Variants in ZNF814 observed in about 807,000 individuals in gnomAD.
ZNF814 encodes the protein zinc finger protein 814.
ZNF814 carries 5 observed loss-of-function variants against 7.5 expected under a neutral mutation model. The ratio of observed to expected loss-of-function variants is 0.67; its 90% CI spans 0.35 to 1.40. The LOEUF (loss-of-function observed/expected upper bound fraction) is 1.40, where lower values mean the gene tolerates loss of function less well. ZNF814 is among the 40% of genes most tolerant of loss of function. The probability of loss-of-function intolerance (pLI) is 0.04; values close to 1 mark genes in which losing one functional copy is unlikely to be tolerated. For missense variants in ZNF814, 962 were observed against 1,018.0 expected, an observed-to-expected ratio of 0.94 and a Z score of 0.75; for synonymous variants, 315 against 340.7, an observed-to-expected ratio of 0.92 and a Z score of 0.83.
At chr19:57,878,754 T>C (rs939900396) in intron 1 of ZNF814, among the ~76,000 whole-genome samples, 16 of 152,164 alleles carry the variant, frequency 1.1e-4, no homozygotes, top group African/African-American at 3.9e-4. Flanking sequence ...CCGCTGCACC[T>C]GTTCAGATAT....
upstream of ZNF814, among the ~76,000 whole-genome samples, chr19:57,890,809 G>A (rs576351910): frequency 6.6e-6 from 1 of 152,218 alleles, no homozygotes. Context: ...TAAGTTAACA[G>A]GAATTGGGAA....
At chr19:57,891,360 C>A (rs981899295), upstream of ZNF814, among the ~76,000 whole-genome samples, 3 of 151,366 alleles carry the variant, frequency 2.0e-5, no homozygotes, top group Non-Finnish European at 2.9e-5. Flanking sequence ...CCTGTCTCTA[C>A]TAAAAATACA....
intron 1 of ZNF814, among the ~76,000 whole-genome samples, chr19:57,886,120 G>A (rs1362995378): frequency 1.3e-5 from 2 of 151,984 alleles, no homozygotes; most frequent in Admixed American, 6.6e-5. Context: ...ACAAGCTAGA[G>A]AACATATAGG....
At chr19:57,880,608 T>A (rs1387523128) in intron 1 of ZNF814, among the ~76,000 whole-genome samples, 1 of 116,664 alleles carries the variant, frequency 8.6e-6, no homozygotes, top group Non-Finnish European at 1.6e-5. Context: ...ACACCTTTTT[T>A]TTTTCTTTTT....
chr19:57,888,744 G>A, intron 1 of ZNF814, 23 bp downstream of exon 1: 10 of 1,553,816 alleles, frequency 6.4e-6, no homozygotes, highest in Non-Finnish European at 8.7e-6. Context: ...GTGACCTGAG[G>A]ACACAGAAGG....
chr19:57,895,681 G>A, the ZNF814 span, among the ~76,000 whole-genome samples: 1 of 152,030 alleles, frequency 6.6e-6, no homozygotes, highest in Admixed American at 6.6e-5. Flanking sequence ...TTACCCAGGT[G>A]CCCCACCACT....
upstream of ZNF814, among the ~76,000 whole-genome samples, chr19:57,889,389 A>G (rs1422692801): frequency 6.6e-6 from 1 of 152,090 alleles, no homozygotes; most frequent in Non-Finnish European, 1.5e-5. Flanking sequence ...ACAAAAAATA[A>G]AAAATATTAG....
rs2071558002 is a variant in ZNF814 at position 57,871,671 on chromosome 19, C to A, written c.*1151G>T. 1 of 151,936 alleles carries A rather than the reference C, an allele frequency of 6.6e-6. No homozygotes were observed. Among genetic ancestry groups the A allele is most frequent in the Non-Finnish European group, 1.5e-5 (1 of 67,990 alleles). The allele number at this position is 151,936 out of a possible 1,614,324, so 9.4% of individuals were successfully genotyped here. ...CTCTGAAAGACATAGTCCGTCTTTT[C>A]AAGTCAACGTAAGAGGCCTCTGGGA... On this transcript the variant is annotated 3_prime_UTR_variant, in exon 3 of 3. Transcript: ENST00000435989.
upstream of ZNF814, among the ~76,000 whole-genome samples, chr19:57,890,338 T>TTTG (rs201670274): frequency 6.5e-3 from 995 of 152,180 alleles, 13 homozygotes; most frequent in African/African-American, 0.022. Flanking sequence ...ACTGGGGTTT[T>TTTG]TTGTTGTTGT....
chr19:57,876,907 G>A lies in ZNF814; in HGVS notation c.163+9C>T, dbSNP rs752361917. On this transcript the variant is annotated intron_variant, in intron 2 of 2. Coordinates refer to ENST00000435989, the MANE Select transcript of ZNF814 (RefSeq NM_001144989.2). ...AGCTCAGGTCACAGGGTGAGTGTGA[G>A]CAACTTACCCAGGGAGGATATAAGT... The A allele has an allele frequency of 1.2e-6, 2 of 1,613,904 alleles. No individual in the cohort carries two copies. The highest frequency in any genetic ancestry group is 2.7e-5 in the African/African-American group (2 of 74,918).
chr19:57,898,531 G>A, the ZNF814 span, among the ~76,000 whole-genome samples: 2 of 152,156 alleles, frequency 1.3e-5, no homozygotes, highest in African/African-American at 4.8e-5. Flanking sequence ...AGTTTGGGTG[G>A]AGCAATGGCC....
At chr19:57,890,988 G>A (rs1036053598), upstream of ZNF814, among the ~76,000 whole-genome samples, 1 of 151,276 alleles carries the variant, frequency 6.6e-6, no homozygotes, top group Non-Finnish European at 1.5e-5. Context: ...GTCACAGGAT[G>A]AGATAGGAGG....
intron 1 of ZNF814, among the ~76,000 whole-genome samples, chr19:57,884,299 T>A (rs2071671728): frequency 6.6e-6 from 1 of 152,084 alleles, no homozygotes; most frequent in Non-Finnish European, 1.5e-5. Flanking sequence ...CATTTAAAAA[T>A]CTCAATAGAC....
rs2071557544 is a variant in ZNF814, at chr19:57,871,612, A to C, written c.*1210T>G. On this transcript the variant is annotated 3_prime_UTR_variant, in exon 3 of 3. Coordinates refer to ENST00000435989, the MANE Select transcript of ZNF814 (RefSeq NM_001144989.2). ...TTAGGATCATGACTTGGAGGGTAGA[A>C]AATTTGTCAAGATTGATGTGATACC... 1 of 152,056 alleles carries C rather than the reference A, an allele frequency of 6.6e-6. No individual in the cohort carries two copies. The highest frequency in any genetic ancestry group is 6.6e-5 in the Admixed American group (1 of 15,250). 9.4% of individuals were successfully genotyped at this position (152,056 alleles called of 1,614,324 possible). A position where few individuals can be genotyped will look rare whatever the true frequency, so the allele number is the denominator to read the frequency against.
chr19:57,884,206 T>C (rs745964466), intron 1 of ZNF814, among the ~76,000 whole-genome samples: 1 of 152,222 alleles, frequency 6.6e-6, no homozygotes, highest in Non-Finnish European at 1.5e-5. Context: ...AGAAAATATC[T>C]GCAAACTACC....
the ZNF814 span, among the ~76,000 whole-genome samples, chr19:57,898,260 A>G: frequency 1.3e-5 from 2 of 152,320 alleles, no homozygotes; most frequent in African/African-American, 4.8e-5. Flanking sequence ...ATTCCTGTCA[A>G]TTTATGGGGA....
At chr19:57,878,001 C>T (rs2071619860) in intron 1 of ZNF814, among the ~76,000 whole-genome samples, 1 of 151,626 alleles carries the variant, frequency 6.6e-6, no homozygotes, top group African/African-American at 2.4e-5. Context: ...TTCGGCTCTA[C>T]TAAAAATACA....
chr19:57,874,457 G>A lies in ZNF814; in HGVS notation c.933C>T (p.Phe311=). 1 of 1,223,298 alleles carries A rather than the reference G, an allele frequency of 8.2e-7. No homozygotes were observed. The highest frequency in any genetic ancestry group is 2.8e-5 in the East Asian group (1 of 35,248). 75.8% of individuals were successfully genotyped at this position (1,223,298 alleles called of 1,614,324 possible). A position where few individuals can be genotyped will look rare whatever the true frequency, so the allele number is the denominator to read the frequency against. ...CAGTGTGAACTCTCTGATGATTACT[G>A]AAGCTAACATATTTGCTAAAGGATT... ...CGKSFSKYVS[F]SNHQRVHTGK... is the part of the protein sequence containing the mutation. The change falls in exon 3 of 3, where the codon TTC becomes TTT. Residue 311 remains phenylalanine, a synonymous_variant. Coordinates refer to ENST00000435989, the MANE Select transcript of ZNF814 (RefSeq NM_001144989.2).
chr19:57,888,629 G>A (rs2071713122), intron 1 of ZNF814, 138 bp downstream of exon 1: 1 of 1,132,220 alleles, frequency 8.8e-7, no homozygotes, highest in African/African-American at 1.6e-5. Context: ...ACGGGTGTCA[G>A]AAATGGGGCC....
Sources: gnomAD v4.1 joint callset for allele counts (sites outside exome capture counted in the v4.1 genomes callset) on GRCh38, gnomAD v4.1.1 for gene constraint, MANE v1.5 for transcripts, NCBI Gene and HGNC (gene_info 2026-07-23, HGNC 2026-07-21) for gene names.